CARNMT1: variants seen among roughly 807,000 people sequenced by gnomAD.
CARNMT1 encodes protein-L-histidine N-pros-methyltransferase CARNMT1.
In CARNMT1, 28 loss-of-function variants were observed where a neutral mutation model predicts 49.6. The observed-to-expected ratio is 0.56, with a 90% CI of 0.42 to 0.77. The LOEUF (loss-of-function observed/expected upper bound fraction) is 0.77, where lower values mean the gene tolerates loss of function less well. Ranked by LOEUF, CARNMT1 falls within the 30% of genes least tolerant of loss-of-function variation. The pLI is 0.00. For synonymous variants in CARNMT1, 178 were observed against 175.0 expected, an observed-to-expected ratio of 1.02 and a Z score of -0.13; for missense variants, 421 against 512.6, an observed-to-expected ratio of 0.82 and a Z score of 1.73.
At chr9:75,007,868 G>C (rs912790294) in intron 3 of CARNMT1, among the ~76,000 whole-genome samples, 15 of 151,490 alleles carry the variant, frequency 9.9e-5, no homozygotes, top group Middle Eastern at 3.4e-3. Flanking sequence ...GAAACAAAAG[G>C]CATTCAAATT....
At chr9:74,987,156 A>T (rs1027536173) in intron 6 of CARNMT1, among the ~76,000 whole-genome samples, 1 of 152,234 alleles carries the variant, frequency 6.6e-6, no homozygotes, top group Non-Finnish European at 1.5e-5. Flanking sequence ...AATTGCAATA[A>T]GTACTTATTT....
chr9:75,017,042 G>A (rs1054666474), intron 2 of CARNMT1: 24 of 507,898 alleles, frequency 4.7e-5, no homozygotes, highest in Non-Finnish European at 7.5e-5. Context: ...AATCTCAACA[G>A]TTATATTAGT....
chr9:75,015,235 C>T (rs1226668063), intron 3 of CARNMT1, among the ~76,000 whole-genome samples: 1 of 152,174 alleles, frequency 6.6e-6, no homozygotes, highest in Non-Finnish European at 1.5e-5. Context: ...ATAGTTTTAG[C>T]AATACCTATG....
At chr9:75,025,344 G>T (rs1297715363) in intron 1 of CARNMT1, among the ~76,000 whole-genome samples, 1 of 152,174 alleles carries the variant, frequency 6.6e-6, no homozygotes, top group Non-Finnish European at 1.5e-5. Context: ...TAACATCTGA[G>T]CTTACTGCAA....
intron 6 of CARNMT1, among the ~76,000 whole-genome samples, chr9:74,987,886 A>G (rs1282115986): frequency 3.3e-5 from 5 of 152,066 alleles, no homozygotes; most frequent in Non-Finnish European, 5.9e-5. Flanking sequence ...TTGAATTTGC[A>G]TCTCTTTGAG....
intron 3 of CARNMT1, 79 bp downstream of exon 3, chr9:75,016,189 G>A (rs866741210): frequency 8.2e-6 from 9 of 1,093,356 alleles, no homozygotes; most frequent in Admixed American, 2.1e-5. Flanking sequence ...ACAATGAAGC[G>A]AGACTGTGAA....
chr9:75,011,533 A>C (rs1382096617), intron 3 of CARNMT1, among the ~76,000 whole-genome samples: 1 of 152,092 alleles, frequency 6.6e-6, no homozygotes, highest in Non-Finnish European at 1.5e-5. Context: ...CACCTCACCT[A>C]ATATTCAAAT....
chr9:75,016,240 A>T (rs1833845291), intron 3 of CARNMT1, 28 bp downstream of exon 3: 2 of 1,540,848 alleles, frequency 1.3e-6, no homozygotes, highest in South Asian at 2.3e-5. Context: ...CACTTTAAAA[A>T]CTTGGTTAAA....
At chr9:75,014,020 TAA>T (rs56029312) in intron 3 of CARNMT1, among the ~76,000 whole-genome samples, 18,671 of 67,152 alleles carry the variant, frequency 0.28, 2,540 homozygotes, top group Non-Finnish European at 0.37. Context: ...TCCACTTACT[TAA>T]AAAAAAAAAA....
At position 75,017,295 on chromosome 9, in the gene CARNMT1, A is replaced by G. The variant is rs776906494; in HGVS notation, c.384T>C (p.Asn128=). The change falls in exon 2 of 8, where the codon AAT becomes AAC. Residue 128 remains asparagine (N), a synonymous_variant. Coordinates refer to ENST00000376834, the MANE Select transcript of CARNMT1 (RefSeq NM_152420.3). ...TATTTTCAAACATATGTATGCAATC[A>G]TTCACAATGGTCAGTAGTATTTCTT... is the stretch of plus-strand genomic sequence containing the variant. ...HNQEILLTIV[N]DCIHMFENKE... The G allele has an allele frequency of 6.2e-6, 10 of 1,613,704 alleles. No homozygotes were observed. In the East Asian group the frequency reaches 8.9e-5, roughly 14 times the overall value.
At chr9:75,005,776 A>G (rs1833489093) in intron 3 of CARNMT1, among the ~76,000 whole-genome samples, 1 of 150,528 alleles carries the variant, frequency 6.6e-6, no homozygotes, top group South Asian at 2.1e-4. Flanking sequence ...CCCGGCAAGT[A>G]TATGATCTTC....
chr9:74,991,961 T>C (rs1833032983), intron 6 of CARNMT1, among the ~76,000 whole-genome samples: 1 of 152,126 alleles, frequency 6.6e-6, no homozygotes, highest in South Asian at 2.1e-4. Flanking sequence ...ATCTATCTTT[T>C]AAAGGGAATC....
Position 75,028,276 on chromosome 9 carries a change from C to G in CARNMT1, c.-35G>C. The stretch of plus-strand genomic sequence containing the variant: ...GGCCCTCGGCCTGGCTCGCTTGCGT[C>G]TCTCCGCGACCGACAGCGTGGTGGC... On this transcript the variant is annotated 5_prime_UTR_variant, in exon 1 of 8. Transcript: ENST00000376834. The G allele has an allele frequency of 7.4e-7, 1 of 1,345,446 alleles. No homozygotes were observed. The highest frequency in any genetic ancestry group is 2.0e-5 in the South Asian group (1 of 50,974). 83.3% of individuals were successfully genotyped at this position (1,345,446 alleles called of 1,614,324 possible). A position where few individuals can be genotyped will look rare whatever the true frequency, so the allele number is the denominator to read the frequency against.
At chr9:74,995,164 AAC>A (rs763147283) in intron 6 of CARNMT1, among the ~76,000 whole-genome samples, 1 of 152,220 alleles carries the variant, frequency 6.6e-6, no homozygotes, top group Non-Finnish European at 1.5e-5. Flanking sequence ...TAATTATATA[AAC>A]ACAGGGTCAT....
intron 2 of CARNMT1, chr9:75,017,051 G>A: frequency 1.9e-6 from 1 of 513,078 alleles, no homozygotes; most frequent in Non-Finnish European, 3.4e-6. Flanking sequence ...AGTTATATTA[G>A]TACTTAAAAA....
At chr9:75,012,267 G>A (rs1047124871) in intron 3 of CARNMT1, among the ~76,000 whole-genome samples, 2 of 151,466 alleles carry the variant, frequency 1.3e-5, no homozygotes, top group African/African-American at 4.8e-5. Context: ...CAGGTACTGA[G>A]GGTCTTCAAG....
chr9:75,017,088 T>C lies in CARNMT1; in HGVS notation c.426+165A>G, dbSNP rs1300086040. The stretch of plus-strand genomic sequence containing the variant: ...GGAAAACAAGTGAACAGATCCAGTC[T>C]CTGGCTATTAAGCCTAATCAAATGA... On this transcript the variant is annotated intron_variant, in intron 2 of 7. Coordinates refer to ENST00000376834, the MANE Select transcript of CARNMT1 (RefSeq NM_152420.3). The C allele has an allele frequency of 6.8e-6, 4 of 585,442 alleles. No individual in the cohort carries two copies. In the African/African-American group the frequency reaches 7.5e-5, roughly 11 times the overall value. The allele number at this position is 585,442 out of a possible 1,614,324, so 36.3% of individuals were successfully genotyped here.
intron 1 of CARNMT1, among the ~76,000 whole-genome samples, chr9:75,022,108 T>C (rs1283082307): frequency 6.6e-6 from 1 of 151,884 alleles, no homozygotes; most frequent in East Asian, 1.9e-4. Context: ...ATTTAGACAC[T>C]CACTTGTTTT....
In CARNMT1 at chr9:74,996,444, T is replaced by G; in HGVS notation, c.1024+3A>C. The stretch of plus-strand genomic sequence containing the variant: ...AAATTTTAGTAAATACTAAAAAACT[T>G]ACCTAGATTTATCCAAATTCCACCT... On this transcript the variant is annotated splice_donor_region_variant and intron_variant, in intron 6 of 7. Transcript: ENST00000376834. 6.6e-7 allele frequency: 1 copy of G among 1,521,816 alleles called. No homozygotes were observed. The highest frequency in any genetic ancestry group is 9.0e-7 in the Non-Finnish European group (1 of 1,109,614). 94.3% of individuals were successfully genotyped at this position (1,521,816 alleles called of 1,614,324 possible). A position where few individuals can be genotyped will look rare whatever the true frequency, so the allele number is the denominator to read the frequency against.
Sources: gnomAD v4.1 joint callset for allele counts (sites outside exome capture counted in the v4.1 genomes callset) on GRCh38, gnomAD v4.1.1 for gene constraint, MANE v1.5 for transcripts, NCBI Gene and HGNC (gene_info 2026-07-23, HGNC 2026-07-21) for gene names.